The following CBR4 variants were observed in gnomAD, a reference collection of about 807,000 sequenced individuals.
The protein encoded by CBR4 is carbonyl reductase 4.
A neutral mutation model predicts 21.0 loss-of-function variants in CBR4; 22 were observed. That is an observed-to-expected ratio of 1.05 (90% CI 0.75 to 1.50). CBR4 has a LOEUF of 1.50. CBR4 is among the 40% of genes most tolerant of loss of function. The probability of loss-of-function intolerance (pLI) is 0.00; values close to 1 mark genes in which losing one functional copy is unlikely to be tolerated. For synonymous variants in CBR4, 100 were observed against 104.4 expected, an observed-to-expected ratio of 0.96 and a Z score of 0.26; for missense variants, 302 against 286.3, an observed-to-expected ratio of 1.05 and a Z score of -0.40.
Position 168,987,906 on chromosome 4 carries a change from A to G in CBR4, c.*2244T>C. The G allele has an allele frequency of 1.0e-6, 1 of 983,264 alleles. No individual in the cohort carries two copies. Among genetic ancestry groups the G allele is most frequent in the African/African-American group, 1.7e-5 (1 of 57,304 alleles). 60.9% of individuals were successfully genotyped at this position (983,264 alleles called of 1,614,324 possible). On this transcript the variant is annotated 3_prime_UTR_variant, in exon 5 of 5. Transcript: ENST00000306193. ...ATATGAAAAAGAGCACAAATTTTAA[A>G]GCCCTCCATGCAAAAAAAAATTAAT...
intron 4 of CBR4, among the ~76,000 whole-genome samples, chr4:169,000,323 G>C (rs925898294): frequency 3.3e-5 from 5 of 150,756 alleles, no homozygotes; most frequent in African/African-American, 1.2e-4. Flanking sequence ...CTGAACCACA[G>C]TCACTTATCA....
intron 2 of CBR4, among the ~76,000 whole-genome samples, chr4:168,921,949 G>A (rs1462198302): frequency 6.6e-6 from 1 of 152,038 alleles, no homozygotes; most frequent in Non-Finnish European, 1.5e-5. Context: ...GGCAAAGAGA[G>A]AAAAAGATTT....
At chr4:168,948,092 A>G (rs1051070888) in intron 2 of CBR4, among the ~76,000 whole-genome samples, 4 of 152,082 alleles carry the variant, frequency 2.6e-5, no homozygotes, top group Non-Finnish European at 5.9e-5. Context: ...AGGTGGTATC[A>G]CACTGTGGTT....
intron 2 of CBR4, among the ~76,000 whole-genome samples, chr4:168,935,417 T>G (rs550550698): frequency 2.0e-5 from 3 of 152,086 alleles, no homozygotes; most frequent in Non-Finnish European, 2.9e-5. Context: ...GACAGAACCA[T>G]TCACTCCCTG....
At chr4:168,924,141 T>TA (rs1272724879) in intron 2 of CBR4, 3 of 894,640 alleles carry the variant, frequency 3.4e-6, no homozygotes, top group Admixed American at 2.1e-5. Flanking sequence ...CCACCTGGAG[T>TA]AAAAAATGGT....
At chr4:168,940,713 G>C (rs749715633) in intron 2 of CBR4, among the ~76,000 whole-genome samples, 19 of 152,332 alleles carry the variant, frequency 1.2e-4, no homozygotes, top group Admixed American at 5.2e-4. Context: ...TTAGAGAAAT[G>C]CAAATCAAAA....
chr4:168,966,644 T>G (rs11724533), intron 2 of CBR4, among the ~76,000 whole-genome samples: 1 of 152,090 alleles, frequency 6.6e-6, no homozygotes, highest in Non-Finnish European at 1.5e-5. Flanking sequence ...TGGAAGACAA[T>G]GTGGCGACTC....
chr4:168,972,874 T>C (rs539175856), intron 2 of CBR4, among the ~76,000 whole-genome samples: 1 of 152,204 alleles, frequency 6.6e-6, no homozygotes, highest in Non-Finnish European at 1.5e-5. Context: ...GGAAATACTT[T>C]AAACGCTTCC....
intron 2 of CBR4, among the ~76,000 whole-genome samples, chr4:168,907,245 C>T (rs1263811867): frequency 6.6e-6 from 1 of 152,222 alleles, no homozygotes; most frequent in Non-Finnish European, 1.5e-5. Context: ...GAGACAGTAA[C>T]TACCCCATCT....
At chr4:169,008,970 G>C (rs545614869) in intron 1 of CBR4, 2 of 455,270 alleles carry the variant, frequency 4.4e-6, no homozygotes, top group African/African-American at 4.0e-5. Flanking sequence ...TATAGTCCCA[G>C]GTCCTTGGGA....
chr4:168,894,553 T>C, intron 3 of CBR4: 1 of 1,503,678 alleles, frequency 6.7e-7, no homozygotes, highest in Non-Finnish European at 9.2e-7. Flanking sequence ...TCTAATTTTG[T>C]ATTTTTTGTG....
chr4:168,932,231 A>G (rs1762989218), intron 2 of CBR4, among the ~76,000 whole-genome samples: 1 of 151,994 alleles, frequency 6.6e-6, no homozygotes, highest in Admixed American at 6.6e-5. Flanking sequence ...TGAGAAATTC[A>G]ACAAAGAACA....
intron 2 of CBR4, among the ~76,000 whole-genome samples, chr4:168,937,150 C>T (rs1311679883): frequency 1.3e-5 from 2 of 152,172 alleles, no homozygotes; most frequent in South Asian, 4.2e-4. Flanking sequence ...GAGTGGGGAC[C>T]AATATTCAAC....
chr4:168,984,192 A>G (rs1049943013), downstream of CBR4, among the ~76,000 whole-genome samples: 8 of 152,206 alleles, frequency 5.3e-5, no homozygotes, highest in Non-Finnish European at 2.9e-5. Flanking sequence ...TAGATCTGAT[A>G]AACATCTTCT....
At chr4:168,903,375 A>G (rs1756958354) in intron 2 of CBR4, among the ~76,000 whole-genome samples, 1 of 152,120 alleles carries the variant, frequency 6.6e-6, no homozygotes, top group South Asian at 2.1e-4. Flanking sequence ...TTGCTGGTAC[A>G]TTTGAAAAAA....
At chr4:168,937,449 T>G (rs1763144379) in intron 2 of CBR4, among the ~76,000 whole-genome samples, 1 of 151,992 alleles carries the variant, frequency 6.6e-6, no homozygotes, top group African/African-American at 2.4e-5. Context: ...AGGATCAAAT[T>G]CACACATAAT....
intron 2 of CBR4, among the ~76,000 whole-genome samples, chr4:168,949,035 T>C (rs981864536): frequency 2.0e-5 from 3 of 152,224 alleles, no homozygotes; most frequent in Admixed American, 6.5e-5. Flanking sequence ...TCATCTGTGA[T>C]TTCTTTCAGC....
In CBR4 at chr4:168,987,924, A is replaced by C; in HGVS notation, c.*2226T>G. ...ATTTTAAAGCCCTCCATGCAAAAAA[A>C]AATTAATACATTGGCTTTACCTATA... is the stretch of plus-strand genomic sequence containing the variant. On this transcript the variant is annotated 3_prime_UTR_variant, in exon 5 of 5. Coordinates refer to ENST00000306193, the MANE Select transcript of CBR4 (RefSeq NM_032783.5). 1 of 984,744 alleles carries C rather than the reference A, an allele frequency of 1.0e-6. No individual in the cohort carries two copies. Among genetic ancestry groups the C allele is most frequent in the South Asian group, 4.7e-5 (1 of 21,280 alleles). The allele number at this position is 984,744 out of a possible 1,614,324, so 61.0% of individuals were successfully genotyped here. A position where few individuals can be genotyped will look rare whatever the true frequency, so the allele number is the denominator to read the frequency against.
At chr4:168,906,097 C>T (rs1387880470) in intron 2 of CBR4, among the ~76,000 whole-genome samples, 1 of 152,098 alleles carries the variant, frequency 6.6e-6, no homozygotes, top group African/African-American at 2.4e-5. Flanking sequence ...GGAGAACTGA[C>T]AAAATCCAAA....
Sources: allele counts gnomAD v4.1 joint callset (sites outside exome capture counted in the v4.1 genomes callset), GRCh38; gene constraint gnomAD v4.1.1; transcripts MANE v1.5; gene names NCBI Gene and HGNC (gene_info 2026-07-23, HGNC 2026-07-21).